TAFA1: variants seen among roughly 807,000 people sequenced by gnomAD.
TAFA1 encodes the protein TAFA chemokine like family member 1.
TAFA1 carries 4 observed loss-of-function variants against 18.5 expected under a neutral mutation model. The ratio of observed to expected loss-of-function variants is 0.22; its 90% CI spans 0.11 to 0.49. The LOEUF (loss-of-function observed/expected upper bound fraction) is 0.49, where lower values mean the gene tolerates loss of function less well. TAFA1 is among the 20% of genes least tolerant of loss of function. TAFA1 has a pLI of 0.98. For missense variants in TAFA1, 147 were observed against 169.0 expected, an observed-to-expected ratio of 0.87 and a Z score of 0.72; for synonymous variants, 56 against 55.2, an observed-to-expected ratio of 1.01 and a Z score of -0.06.
At chr3:68,532,676 G>T (rs77349646) in intron 3 of TAFA1, among the ~76,000 whole-genome samples, 2,626 of 152,112 alleles carry the variant, frequency 0.017, 88 homozygotes, top group African/African-American at 0.06. Context: ...TGTAAAAACA[G>T]TTAACTAGCA....
chr3:68,474,766 G>A (rs2072060165), intron 3 of TAFA1, among the ~76,000 whole-genome samples: 1 of 152,180 alleles, frequency 6.6e-6, no homozygotes, highest in Non-Finnish European at 1.5e-5. Context: ...TTAAGACAAA[G>A]TGAGCCACAC....
At chr3:68,499,844 A>G (rs2665534) in intron 3 of TAFA1, among the ~76,000 whole-genome samples, 118,761 of 148,668 alleles carry the variant, frequency 0.8, 47,776 homozygotes, top group African/African-American at 0.89. Flanking sequence ...ATTCAAACTG[A>G]ATTTTTTTTT....
intron 2 of TAFA1, among the ~76,000 whole-genome samples, chr3:68,043,225 A>G (rs1705203727): frequency 6.6e-6 from 1 of 152,176 alleles, no homozygotes; most frequent in Non-Finnish European, 1.5e-5. Flanking sequence ...ACACTGCTTT[A>G]TGTAAAAAAC....
chr3:68,321,824 T>C (rs1344864186), intron 2 of TAFA1, among the ~76,000 whole-genome samples: 2 of 152,224 alleles, frequency 1.3e-5, no homozygotes, highest in African/African-American at 4.8e-5. Flanking sequence ...TAGTCTGCCA[T>C]TTTAAAGGAA....
intron 2 of TAFA1, among the ~76,000 whole-genome samples, chr3:68,147,423 C>A (rs1217431627): frequency 1.3e-5 from 2 of 152,108 alleles, no homozygotes; most frequent in African/African-American, 4.8e-5. Context: ...CTGCTCCTGC[C>A]TCTGCCTCTT....
intron 2 of TAFA1, among the ~76,000 whole-genome samples, chr3:68,040,770 A>C (rs916780520): frequency 6.6e-6 from 1 of 152,200 alleles, no homozygotes; most frequent in Admixed American, 6.5e-5. Context: ...GCCCTTCAGG[A>C]GATTTTGATG....
intron 2 of TAFA1, among the ~76,000 whole-genome samples, chr3:68,216,545 G>A (rs2066659433): frequency 6.6e-6 from 1 of 152,088 alleles, no homozygotes; most frequent in South Asian, 2.1e-4. Context: ...TGGGTTAAAT[G>A]TGTATATATG....
At chr3:68,405,600 T>C (rs1436029796) in intron 2 of TAFA1, among the ~76,000 whole-genome samples, 1 of 147,124 alleles carries the variant, frequency 6.8e-6, no homozygotes, top group Non-Finnish European at 1.5e-5. Context: ...CATGGGAGGC[T>C]GAGGTGGGAG....
chr3:68,292,412 A>C (rs78861080), intron 2 of TAFA1, among the ~76,000 whole-genome samples: 10 of 113,850 alleles, frequency 8.8e-5, no homozygotes, highest in African/African-American at 2.9e-4. Flanking sequence ...AGACTCTGTC[A>C]AAAAAAAAAA....
At chr3:68,237,744 G>A (rs543944011) in intron 2 of TAFA1, among the ~76,000 whole-genome samples, 1 of 152,272 alleles carries the variant, frequency 6.6e-6, no homozygotes, top group African/African-American at 2.4e-5. Context: ...ATTCAAAGAT[G>A]TTGAGTTGGT....
chr3:68,111,677 T>C (rs2065263398), intron 2 of TAFA1, among the ~76,000 whole-genome samples: 1 of 151,904 alleles, frequency 6.6e-6, no homozygotes, highest in South Asian at 2.1e-4. Context: ...GCTAAGAAAA[T>C]ATGTTTTAAT....
At chr3:68,275,197 T>C (rs2107241665) in intron 2 of TAFA1, among the ~76,000 whole-genome samples, 1 of 152,226 alleles carries the variant, frequency 6.6e-6, no homozygotes, top group South Asian at 2.1e-4. Flanking sequence ...GTCCTTCCTT[T>C]ATAGGTCTAG....
At chr3:68,186,567 C>T (rs555860635) in intron 2 of TAFA1, among the ~76,000 whole-genome samples, 17 of 152,084 alleles carry the variant, frequency 1.1e-4, no homozygotes, top group Admixed American at 4.6e-4. Context: ...GGGACAGACA[C>T]GTTGTAGTTG....
At chr3:68,351,864 T>C (rs562529915) in intron 2 of TAFA1, among the ~76,000 whole-genome samples, 6 of 151,996 alleles carry the variant, frequency 3.9e-5, no homozygotes, top group Non-Finnish European at 2.9e-5. Flanking sequence ...GTCTTGTTTT[T>C]AGGCAAGCAG....
At chr3:68,457,923 A>C (rs2071696733) in intron 3 of TAFA1, among the ~76,000 whole-genome samples, 1 of 152,166 alleles carries the variant, frequency 6.6e-6, no homozygotes, top group African/African-American at 2.4e-5. Context: ...ATTGTCCCAT[A>C]GACCATGATT....
chr3:68,424,992 C>T (rs188993125), intron 3 of TAFA1, among the ~76,000 whole-genome samples: 3 of 151,950 alleles, frequency 2.0e-5, no homozygotes, highest in East Asian at 1.9e-4. Context: ...GTGTGATGCC[C>T]GAAGATAGCT....
At chr3:68,313,982 CT>C (rs1027796704) in intron 2 of TAFA1, among the ~76,000 whole-genome samples, 5 of 152,004 alleles carry the variant, frequency 3.3e-5, no homozygotes, top group Admixed American at 6.5e-5. Flanking sequence ...AAAAGGAATC[CT>C]TTTTTTTCAA....
At chr3:68,346,529 T>A (rs1321135268) in intron 2 of TAFA1, among the ~76,000 whole-genome samples, 2 of 152,218 alleles carry the variant, frequency 1.3e-5, no homozygotes, top group Non-Finnish European at 2.9e-5. Context: ...CATAAAGTTC[T>A]CTACCAGCTC....
chr3:68,235,285 T>G (rs1326662929), intron 2 of TAFA1, among the ~76,000 whole-genome samples: 1 of 152,202 alleles, frequency 6.6e-6, no homozygotes, highest in Non-Finnish European at 1.5e-5. Context: ...ACATTGGTTA[T>G]GAAATCCATC....
Sources: allele counts gnomAD v4.1 joint callset (sites outside exome capture counted in the v4.1 genomes callset), GRCh38; gene constraint gnomAD v4.1.1; transcripts MANE v1.5; gene names NCBI Gene and HGNC (gene_info 2026-07-23, HGNC 2026-07-21).